WWOX: variants seen among roughly 807,000 people sequenced by gnomAD.
The protein encoded by WWOX is WW domain-containing oxidoreductase.
WWOX carries 69 observed loss-of-function variants against 46.2 expected under a neutral mutation model. The ratio of observed to expected loss-of-function variants is 1.49; its 90% CI spans 1.23 to 1.82. The LOEUF (loss-of-function observed/expected upper bound fraction) is 1.82, where lower values mean the gene tolerates loss of function less well. Ranked by LOEUF, WWOX falls within the 40% of genes most tolerant of loss-of-function variation. The pLI, the probability that WWOX is intolerant of heterozygous loss-of-function variation, is 0.00. For missense variants in WWOX, 919 were observed against 542.6 expected, an observed-to-expected ratio of 1.69 and a Z score of -6.89; for synonymous variants, 359 against 202.6, an observed-to-expected ratio of 1.77 and a Z score of -6.56.
At chr16:78,522,222 G>T (rs1255066417) in intron 8 of WWOX, among the ~76,000 whole-genome samples, 1 of 151,386 alleles carries the variant, frequency 6.6e-6, no homozygotes, top group Non-Finnish European at 1.5e-5. Context: ...AAGGCAGGTT[G>T]TAGACTCATG....
rs1314095274 is a variant in WWOX, at chr16:78,433,646, AAAC to A, written c.1056+903_1056+905del. On this transcript the variant is annotated intron_variant, in intron 8 of 8. Transcript: ENST00000566780. Reference sequence around the variant, plus strand: ...CCTAGGATATTAATAAAACAAAGCAAAACAACAACAAAAGAAGAACTATTGCAG... The same window carrying A: ...CCTAGGATATTAATAAAACAAAGCAAAACAACAAAAGAAGAACTATTGCAG... 2.6e-5 allele frequency among the ~76,000 whole-genome samples: 4 copies of A among 152,288 alleles called. No individual in the cohort carries two copies. In the East Asian group the frequency reaches 7.7e-4, roughly 29 times the overall value.
At chr16:78,789,328 A>G (rs965733527) in intron 8 of WWOX, among the ~76,000 whole-genome samples, 2 of 152,216 alleles carry the variant, frequency 1.3e-5, no homozygotes, top group African/African-American at 4.8e-5. Flanking sequence ...TTTTCTATAT[A>G]GTTTAAGGTA....
At chr16:78,140,449 C>A (rs1290565683) in intron 4 of WWOX, among the ~76,000 whole-genome samples, 2 of 152,140 alleles carry the variant, frequency 1.3e-5, no homozygotes, top group African/African-American at 4.8e-5. Context: ...TTTCCAAGTT[C>A]TAGAGGCTAG....
At chr16:78,207,496 CTT>C (rs556761067) in intron 5 of WWOX, among the ~76,000 whole-genome samples, 7 of 142,346 alleles carry the variant, frequency 4.9e-5, no homozygotes, top group African/African-American at 5.1e-5. Flanking sequence ...ATCTCCCTTA[CTT>C]TTTTTTTTTT....
intron 8 of WWOX, among the ~76,000 whole-genome samples, chr16:79,056,009 C>G (rs1357379382): frequency 6.6e-6 from 1 of 152,052 alleles, no homozygotes; most frequent in Admixed American, 6.5e-5. Context: ...TTCTATTTAG[C>G]AAGTACTTTC....
intron 8 of WWOX, among the ~76,000 whole-genome samples, chr16:79,208,514 G>T (rs73569310): frequency 6.6e-6 from 1 of 152,108 alleles, no homozygotes; most frequent in African/African-American, 2.4e-5. Context: ...ATTTTATAAC[G>T]GAGTTGTTAA....
intron 8 of WWOX, among the ~76,000 whole-genome samples, chr16:78,871,659 G>C (rs1043730841): frequency 3.3e-5 from 5 of 152,220 alleles, no homozygotes; most frequent in Admixed American, 6.5e-5. Flanking sequence ...GAGTGCAGTA[G>C]TGCAATTTCA....
chr16:79,205,198 A>T (rs2051469039), intron 8 of WWOX: 1 of 152,088 alleles, frequency 6.6e-6, no homozygotes. Flanking sequence ...GTCCCTTGTA[A>T]TTTGTGGTTG....
At chr16:78,509,869 C>T (rs2085314574) in intron 8 of WWOX, among the ~76,000 whole-genome samples, 1 of 150,918 alleles carries the variant, frequency 6.6e-6, no homozygotes, top group Non-Finnish European at 1.5e-5. Context: ...AGGAGGATCA[C>T]TTGAGCCTGG....
At chr16:79,033,851 T>C (rs911211872) in intron 8 of WWOX, among the ~76,000 whole-genome samples, 41 of 152,252 alleles carry the variant, frequency 2.7e-4, no homozygotes, top group Non-Finnish European at 5.9e-5. Flanking sequence ...TTATTTATGA[T>C]ACTGGATTCT....
chr16:78,476,944 C>T (rs1033447889), intron 8 of WWOX, among the ~76,000 whole-genome samples: 1 of 151,970 alleles, frequency 6.6e-6, no homozygotes, highest in Admixed American at 6.6e-5. Flanking sequence ...TCCTTCAGTT[C>T]CCTCTTTCCT....
intron 5 of WWOX, among the ~76,000 whole-genome samples, chr16:78,210,692 CCT>C (rs954497547): frequency 1.3e-5 from 2 of 152,128 alleles, no homozygotes; most frequent in African/African-American, 4.8e-5. Context: ...TTAGATTTCC[CCT>C]GTTTTTCCTT....
At chr16:78,964,735 C>T (rs1275353798) in intron 8 of WWOX, among the ~76,000 whole-genome samples, 2 of 151,862 alleles carry the variant, frequency 1.3e-5, no homozygotes, top group East Asian at 1.9e-4. Flanking sequence ...GAGACTTTCA[C>T]AGCAGCCCCT....
chr16:79,035,966 C>G (rs758760016), intron 8 of WWOX, among the ~76,000 whole-genome samples: 28 of 152,196 alleles, frequency 1.8e-4, no homozygotes, highest in Admixed American at 1.8e-3. Context: ...TACATTGCCA[C>G]CAGCATCCCT....
chr16:78,223,743 T>G (rs1387073227), intron 5 of WWOX, among the ~76,000 whole-genome samples: 1 of 152,076 alleles, frequency 6.6e-6, no homozygotes, highest in African/African-American at 2.4e-5. Flanking sequence ...CCCAGCTGAG[T>G]GGCCACCTTT....
chr16:78,630,641 C>A (rs1197633988), intron 8 of WWOX, among the ~76,000 whole-genome samples: 1 of 152,194 alleles, frequency 6.6e-6, no homozygotes, highest in East Asian at 1.9e-4. Context: ...CCAGACTTCG[C>A]CTCATTCACC....
chr16:78,535,547 A>G (rs1420258726), intron 8 of WWOX: 2 of 152,218 alleles, frequency 1.3e-5, no homozygotes, highest in African/African-American at 4.8e-5. Flanking sequence ...GAACCCTTAG[A>G]AGTAAGACTT....
chr16:78,992,762 G>A (rs1047777486), intron 8 of WWOX, among the ~76,000 whole-genome samples: 20 of 152,084 alleles, frequency 1.3e-4, no homozygotes, highest in African/African-American at 4.8e-4. Context: ...CCTGACTCCC[G>A]GAGGAAAGTG....
rs148190756 is a variant in WWOX, at chr16:78,455,116, G to A, written c.1056+22364G>A. Among the ~76,000 whole-genome samples, 24 of 152,304 alleles carry A rather than the reference G, an allele frequency of 1.6e-4. No homozygotes were observed. In the East Asian group the frequency reaches 4.3e-3, roughly 27 times the overall value. ...GAGATGAGCAGCACTGGGATGTGTG[G>A]CTTTTCTGTCTTGAGGATAGATAGA... is the stretch of plus-strand genomic sequence containing the variant. On this transcript the variant is annotated intron_variant, in intron 8 of 8. Coordinates refer to ENST00000566780, the MANE Select transcript of WWOX (RefSeq NM_016373.4).
Sources: allele counts gnomAD v4.1 joint callset (sites outside exome capture counted in the v4.1 genomes callset), GRCh38; gene constraint gnomAD v4.1.1; transcripts MANE v1.5; gene names NCBI Gene and HGNC (gene_info 2026-07-23, HGNC 2026-07-21).